Variants in UVRAG observed in about 807,000 individuals in gnomAD.
UVRAG encodes the protein UV radiation resistance-associated gene protein.
UVRAG carries 19 observed loss-of-function variants against 78.0 expected under a neutral mutation model. The observed-to-expected ratio is 0.24, with a 90% confidence interval of 0.17 to 0.36. UVRAG has a LOEUF of 0.36. Among genes scored for constraint, UVRAG ranks in the 10% least tolerant of loss-of-function variants. The probability of loss-of-function intolerance (pLI) is 1.00; values close to 1 mark genes in which losing one functional copy is unlikely to be tolerated. For missense variants in UVRAG, 740 were observed against 853.8 expected (o/e 0.87, Z 1.66); for synonymous variants, 323 against 324.6 (o/e 1.00, Z 0.05).
At chr11:76,040,837 G>C (rs1445123899) in intron 12 of UVRAG, among the ~76,000 whole-genome samples, 2 of 151,956 alleles carry the variant, frequency 1.3e-5, no homozygotes, top group African/African-American at 4.8e-5. Context: ...TTACAGGTGT[G>C]AGCCACCGGG....
chr11:75,881,004 T>C (rs1227008388), intron 4 of UVRAG, among the ~76,000 whole-genome samples: 1 of 147,658 alleles, frequency 6.8e-6, no homozygotes, highest in East Asian at 2.0e-4. Flanking sequence ...AGTGCAGTGG[T>C]GTGATCATAG....
At chr11:76,130,927 GTTT>G (rs1172470643) in intron 14 of UVRAG, among the ~76,000 whole-genome samples, 1 of 146,686 alleles carries the variant, frequency 6.8e-6, no homozygotes, top group African/African-American at 2.6e-5. Flanking sequence ...GAGGTTTTGG[GTTT>G]TTTTGTTTTT....
chr11:76,051,795 C>A lies in UVRAG; in HGVS notation c.1227-13915C>A, dbSNP rs193136940. Among the ~76,000 whole-genome samples the A allele has an allele frequency of 2.0e-5, 3 of 152,198 alleles. No individual in the cohort carries two copies. In the South Asian group the frequency reaches 6.2e-4, roughly 32 times the overall value. The stretch of plus-strand genomic sequence containing the variant: ...TTTAACCTCTTTTGGTTGGCACATA[C>A]GTCTCATATTTTCTCTTTTTTCTTC... On this transcript the variant is annotated intron_variant, in intron 12 of 14. Transcript: ENST00000356136.
At chr11:75,852,576 G>A (rs1250789561) in intron 2 of UVRAG, among the ~76,000 whole-genome samples, 3 of 152,090 alleles carry the variant, frequency 2.0e-5, no homozygotes, top group Non-Finnish European at 2.9e-5. Flanking sequence ...GGCTTAGGTG[G>A]GATGGTGTAA....
chr11:75,927,309 TC>T (rs1295892955), intron 6 of UVRAG, among the ~76,000 whole-genome samples: 2 of 152,154 alleles, frequency 1.3e-5, no homozygotes, highest in African/African-American at 4.8e-5. Context: ...GACCTGGTGA[TC>T]CGTCTGCCTT....
At position 76,016,877 on chromosome 11, in the gene UVRAG, T is replaced by A. The variant is rs748171494; in HGVS notation, c.1123T>A (p.Ser375Thr). The change falls in exon 12 of 15, where the codon TCC becomes ACC. Residue 375 changes from serine to threonine, a missense_variant. Coordinates refer to ENST00000356136, the MANE Select transcript of UVRAG (RefSeq NM_003369.4). ...TACTGCACATCTGGTCTCCATGATT[T>A]CCTTTTTCCTACAAGTGCCCCTCAG... is the stretch of plus-strand genomic sequence containing the variant. ...GYTAHLVSMISFFLQVPLRYP... is the reference protein window; with the variant it reads ...GYTAHLVSMITFFLQVPLRYP... 1 of 1,612,806 alleles carries A rather than the reference T, an allele frequency of 6.2e-7. No individual in the cohort carries two copies. Among genetic ancestry groups the A allele is most frequent in the Admixed American group, 1.7e-5 (1 of 59,992 alleles).
chr11:76,027,627 A>G (rs1950352526), intron 12 of UVRAG, among the ~76,000 whole-genome samples: 1 of 152,018 alleles, frequency 6.6e-6, no homozygotes. Context: ...TGTTGTAAGG[A>G]TTAAATAAGC....
chr11:76,050,428 A>G (rs1012270839), intron 12 of UVRAG, among the ~76,000 whole-genome samples: 5 of 152,212 alleles, frequency 3.3e-5, no homozygotes, highest in African/African-American at 1.2e-4. Flanking sequence ...TATTTGTTGA[A>G]TACCCACTTT....
At chr11:76,050,821 A>T (rs1374834157) in intron 12 of UVRAG, among the ~76,000 whole-genome samples, 2 of 152,156 alleles carry the variant, frequency 1.3e-5, no homozygotes, top group East Asian at 3.8e-4. Flanking sequence ...AAAGATTGCT[A>T]TTATTAAACC....
chr11:76,087,238 G>A (rs1951603987), intron 13 of UVRAG, among the ~76,000 whole-genome samples: 1 of 152,184 alleles, frequency 6.6e-6, no homozygotes, highest in African/African-American at 2.4e-5. Flanking sequence ...CATATTCTTG[G>A]TTAATTCCTG....
chr11:76,079,620 T>C (rs908157888), intron 13 of UVRAG, among the ~76,000 whole-genome samples: 1 of 152,238 alleles, frequency 6.6e-6, no homozygotes, highest in African/African-American at 2.4e-5. Flanking sequence ...CAATATGGAC[T>C]TATAAAACTA....
intron 13 of UVRAG, among the ~76,000 whole-genome samples, chr11:76,071,085 A>G (rs1951298538): frequency 6.6e-6 from 1 of 152,220 alleles, no homozygotes; most frequent in Non-Finnish European, 1.5e-5. Context: ...TGTCTCGTTA[A>G]GCTTATAACC....
intron 12 of UVRAG, among the ~76,000 whole-genome samples, chr11:76,032,936 T>TA (rs1413925278): frequency 6.6e-6 from 1 of 152,234 alleles, no homozygotes; most frequent in Non-Finnish European, 1.5e-5. Context: ...AAATTAAACT[T>TA]ACCTTCAAAG....
intron 7 of UVRAG, among the ~76,000 whole-genome samples, chr11:75,964,181 T>TGG (rs1948966557): frequency 6.6e-6 from 1 of 152,244 alleles, no homozygotes; most frequent in Non-Finnish European, 1.5e-5. Context: ...CATATGTATT[T>TGG]ATAAAGAATA....
intron 7 of UVRAG, among the ~76,000 whole-genome samples, chr11:75,966,720 T>G (rs896925544): frequency 1.3e-5 from 2 of 152,218 alleles, no homozygotes; most frequent in African/African-American, 2.4e-5. Flanking sequence ...CTCTGGATTT[T>G]GTTACTTTGT....
intron 6 of UVRAG, among the ~76,000 whole-genome samples, chr11:75,924,048 A>G (rs1948033735): frequency 6.6e-6 from 1 of 151,084 alleles, no homozygotes; most frequent in Non-Finnish European, 1.5e-5. Flanking sequence ...AATGTGGACT[A>G]TATACGTTCA....
intron 6 of UVRAG, among the ~76,000 whole-genome samples, chr11:75,948,872 T>C (rs866987252): frequency 2.0e-5 from 3 of 152,170 alleles, no homozygotes; most frequent in South Asian, 2.1e-4. Context: ...TTTGAAATTG[T>C]AAGTTTATGG....
intron 14 of UVRAG, among the ~76,000 whole-genome samples, chr11:76,124,059 C>T (rs1952340035): frequency 1.3e-5 from 2 of 152,326 alleles, no homozygotes; most frequent in East Asian, 3.9e-4. Flanking sequence ...CCACCACGCC[C>T]AGCTGAGTAT....
chr11:76,081,854 G>A (rs1026214740), intron 13 of UVRAG, among the ~76,000 whole-genome samples: 48 of 149,800 alleles, frequency 3.2e-4, no homozygotes, highest in Non-Finnish European at 4.4e-4. Flanking sequence ...GTATATTTAT[G>A]TAATCAAATA....
Sources: gnomAD v4.1 joint callset for allele counts (sites outside exome capture counted in the v4.1 genomes callset) on GRCh38, gnomAD v4.1.1 for gene constraint, MANE v1.5 for transcripts, NCBI Gene and HGNC (gene_info 2026-07-23, HGNC 2026-07-21) for gene names.